The following KLF13 variants were observed in gnomAD, a reference collection of about 807,000 sequenced individuals.
KLF13 encodes the protein Krueppel-like factor 13.
In KLF13, 8 loss-of-function variants were observed where a neutral mutation model predicts 16.7. The ratio of observed to expected loss-of-function variants is 0.48; its 90% CI spans 0.28 to 0.87. KLF13 has a LOEUF of 0.87. Among genes scored for constraint, KLF13 ranks in the 40% least tolerant of loss-of-function variants. KLF13 has a pLI of 0.10. For synonymous variants in KLF13, 245 were observed against 208.4 expected (o/e 1.18, Z -1.51); for missense variants, 447 against 452.2 (o/e 0.99, Z 0.10).
chr15:31,327,317 C>T lies in KLF13; in HGVS notation c.105C>T (p.Pro35=), dbSNP rs2038728805. The T allele has an allele frequency of 1.6e-6, 2 of 1,286,748 alleles. No homozygotes were observed. Among genetic ancestry groups the T allele is most frequent in the Admixed American group, 8.5e-5 (2 of 23,494 alleles). 79.7% of individuals were successfully genotyped at this position (1,286,748 alleles called of 1,614,324 possible). Residue 35 remains proline, a synonymous_variant, in exon 1 of 2, where the codon CCC becomes CCT. Transcript: ENST00000307145. ...CGCGGGAGGGGCCGGAGTCCCGGCC[C>T]GAGGGCGCGGCCGTGGCCGCCACCC... ...HGPREGPESR[P]EGAAVAATPT...
At chr15:31,431,687 A>G (rs1414744378) in intron 1 of KLF13, among the ~76,000 whole-genome samples, 1 of 152,198 alleles carries the variant, frequency 6.6e-6, no homozygotes, top group East Asian at 1.9e-4. Context: ...GATGGTCGCT[A>G]TCTCCTGACC....
chr15:31,362,448 G>A (rs1469120748), intron 1 of KLF13, among the ~76,000 whole-genome samples: 1 of 152,192 alleles, frequency 6.6e-6, no homozygotes, highest in African/African-American at 2.4e-5. Flanking sequence ...CTGCCTGGGC[G>A]ACCATTGTTA....
At chr15:31,417,616 A>G (rs931950330) in intron 1 of KLF13, among the ~76,000 whole-genome samples, 1 of 151,526 alleles carries the variant, frequency 6.6e-6, no homozygotes, top group East Asian at 2.0e-4. Context: ...ATCTCGGCTC[A>G]CTGCAACCTC....
rs185213965 is a variant in KLF13 at position 31,428,622 on chromosome 15, C to A, written n.118-6748C>A. On this transcript the variant is annotated intron_variant and non_coding_transcript_variant, in intron 1 of 1. Coordinates refer to the KLF13 transcript ENST00000558225. ...GAGATCAAGACCATCCTGGCTAACACGGTGAAACCCCGTCTCTACTAAAAA... is the reference window on the plus strand; with the variant it reads ...GAGATCAAGACCATCCTGGCTAACAAGGTGAAACCCCGTCTCTACTAAAAA... 2.6e-3 allele frequency among the ~76,000 whole-genome samples: 399 copies of A among 151,876 alleles called. 3 individuals are homozygous for A. The highest frequency in any genetic ancestry group is 9.3e-3 in the African/African-American group (387 of 41,430).
intron 1 of KLF13, among the ~76,000 whole-genome samples, chr15:31,366,728 A>AT (rs1328601578): frequency 2.0e-3 from 4 of 2,042 alleles, no homozygotes; most frequent in Non-Finnish European, 4.1e-3. Context: ...CTGGCCCCTC[A>AT]CCTCACTGTG....
Position 31,375,396 on chromosome 15 carries a change from C to G in KLF13, c.*3097C>G, listed in dbSNP as rs1300893939. ...TCCCAGACTGCGTCTATTTCAGGGT[C>G]TTCCATTTTTGTGGTTTATGGCCAT... On this transcript the variant is annotated 3_prime_UTR_variant, in exon 2 of 2. Coordinates refer to ENST00000307145, the MANE Select transcript of KLF13 (RefSeq NM_015995.4). 2.0e-5 allele frequency: 3 copies of G among 152,230 alleles called. No individual in the cohort carries two copies. The highest frequency in any genetic ancestry group is 2.9e-5 in the Non-Finnish European group (2 of 68,046). The allele number at this position is 152,230 out of a possible 1,614,324, so 9.4% of individuals were successfully genotyped here.
chr15:31,344,775 AGCTGGGAGGATT>A (rs1261322056), intron 1 of KLF13, among the ~76,000 whole-genome samples: 1 of 150,266 alleles, frequency 6.7e-6, no homozygotes, highest in Non-Finnish European at 1.5e-5. Flanking sequence ...TGCAGAAAAG[AGCTGGGAGGATT>A]GCTGGGTGGG....
chr15:31,431,575 C>T (rs1416805953), intron 1 of KLF13, among the ~76,000 whole-genome samples: 1 of 152,120 alleles, frequency 6.6e-6, no homozygotes, highest in Non-Finnish European at 1.5e-5. Context: ...AGCGATTCTC[C>T]TGCATCAGCT....
downstream of KLF13, among the ~76,000 whole-genome samples, chr15:31,381,022 A>C (rs2039717606): frequency 6.6e-6 from 1 of 152,010 alleles, no homozygotes; most frequent in Middle Eastern, 3.2e-3. Context: ...AAATACAAAA[A>C]TTAGCCGGGC....
In KLF13 at chr15:31,341,499, ATCTT is replaced by A. The variant is rs565797017; in HGVS notation, c.577+13712_577+13715del. On this transcript the variant is annotated intron_variant, in intron 1 of 1. Transcript: ENST00000307145. Reference sequence around the variant, plus strand: ...GAAACAGACACATAGACAATTCAGAATCTTTTTTTTTTTTTTTGAGGCTGGGACA... The same window carrying A: ...GAAACAGACACATAGACAATTCAGAATTTTTTTTTTTTTGAGGCTGGGACA... Among the ~76,000 whole-genome samples the A allele has an allele frequency of 3.3e-4, 47 of 142,610 alleles. 1 individual carries two copies. In the South Asian group the frequency reaches 7.7e-3, roughly 23 times the overall value. The allele number at this position is 142,610 out of a possible 152,430, so 93.6% of individuals were successfully genotyped here.
chr15:31,390,440 C>T (rs1177623023), upstream of KLF13, among the ~76,000 whole-genome samples: 2 of 152,206 alleles, frequency 1.3e-5, no homozygotes, highest in Admixed American at 1.3e-4. Flanking sequence ...TTCAAAATTA[C>T]TTGCCAATCA....
rs551453258 is a variant in KLF13 at position 31,344,753 on chromosome 15, C to T, written c.577+16964C>T. Among the ~76,000 whole-genome samples, 12 of 152,298 alleles carry T rather than the reference C, an allele frequency of 7.9e-5. No individual in the cohort carries two copies. The South Asian group carries it at 2.3e-3, about 29-fold the overall frequency. ...TGGAACCTTTCTTTTAACAAAATCT[C>T]CTGGAATCCAGTGCAGAAAAGAGCT... On this transcript the variant is annotated intron_variant, in intron 1 of 1. Transcript: ENST00000307145.
At chr15:31,424,905 A>ACACACACACACACACAC (rs1555383520) in intron 1 of KLF13, among the ~76,000 whole-genome samples, 4 of 151,440 alleles carry the variant, frequency 2.6e-5, no homozygotes, top group African/African-American at 7.3e-5. Flanking sequence ...ACACACACAC[A>ACACACACACACACACAC]AAGCTCTTAG....
chr15:31,409,860 AAT>A (rs1186982579), intron 1 of KLF13, among the ~76,000 whole-genome samples: 4 of 152,254 alleles, frequency 2.6e-5, no homozygotes, highest in African/African-American at 9.6e-5. Context: ...GCAGCCCTGC[AAT>A]ATAAGAAATG....
At chr15:31,370,235 A>G (rs538054021) in intron 1 of KLF13, among the ~76,000 whole-genome samples, 20 of 151,932 alleles carry the variant, frequency 1.3e-4, no homozygotes, top group African/African-American at 4.1e-4. Context: ...AAAGAGAGCA[A>G]GTGTACCCAC....
intron 1 of KLF13, among the ~76,000 whole-genome samples, chr15:31,370,048 T>TTC (rs2039533523): frequency 6.7e-6 from 1 of 149,676 alleles, no homozygotes; most frequent in African/African-American, 2.4e-5. Flanking sequence ...CTTTTTCTTT[T>TTC]TTTTTTTTTT....
At chr15:31,333,436 G>A (rs555532596) in intron 1 of KLF13, among the ~76,000 whole-genome samples, 3 of 152,134 alleles carry the variant, frequency 2.0e-5, no homozygotes, top group Non-Finnish European at 2.9e-5. Context: ...CCCAGCACAC[G>A]GCTTCCCGCA....
intron 1 of KLF13, among the ~76,000 whole-genome samples, chr15:31,425,059 C>G (rs2040384870): frequency 6.6e-6 from 1 of 152,038 alleles, no homozygotes; most frequent in East Asian, 1.9e-4. Context: ...AAATAATATA[C>G]TCAGGAATAA....
chr15:31,355,841 T>A (rs1052336454), intron 1 of KLF13, among the ~76,000 whole-genome samples: 3 of 151,780 alleles, frequency 2.0e-5, no homozygotes, highest in Non-Finnish European at 4.4e-5. Flanking sequence ...AGCCCCCCAT[T>A]TGTCCCCACA....
Sources: allele counts gnomAD v4.1 joint callset (sites outside exome capture counted in the v4.1 genomes callset), GRCh38; gene constraint gnomAD v4.1.1; transcripts MANE v1.5; gene names NCBI Gene and HGNC (gene_info 2026-07-23, HGNC 2026-07-21).